XIRP2: variants seen among roughly 807,000 people sequenced by gnomAD.
The protein encoded by XIRP2 is xin actin binding repeat containing 2.
XIRP2 carries 236 observed loss-of-function variants against 277.0 expected under a neutral mutation model. The ratio of observed to expected loss-of-function variants is 0.85; its 90% confidence interval spans 0.77 to 0.95. The LOEUF is 0.95. XIRP2 is among the 40% of genes least tolerant of loss of function. XIRP2 has a pLI of 0.00. For missense variants in XIRP2, 4,640 were observed against 4,157.5 expected (o/e 1.12, Z -3.19); for synonymous variants, 1,490 against 1,416.5 (o/e 1.05, Z -1.17).
At chr2:167,055,444 G>A (rs1008228847) in intron 2 of XIRP2, among the ~76,000 whole-genome samples, 1 of 152,130 alleles carries the variant, frequency 6.6e-6, no homozygotes, top group African/African-American at 2.4e-5. Context: ...TTTTCATCAA[G>A]GATATTATAT....
intron 2 of XIRP2, among the ~76,000 whole-genome samples, chr2:166,915,850 T>C (rs1684859576): frequency 6.6e-6 from 1 of 152,180 alleles, no homozygotes; most frequent in Non-Finnish European, 1.5e-5. Context: ...ACTGTTTCTA[T>C]CATTTATTTA....
At chr2:167,008,954 T>A (rs1367221139) in intron 2 of XIRP2, among the ~76,000 whole-genome samples, 1 of 151,528 alleles carries the variant, frequency 6.6e-6, no homozygotes, top group Non-Finnish European at 1.5e-5. Flanking sequence ...TTTTCAAATA[T>A]CTAATAATCG....
At chr2:167,182,956 C>G (rs1411410121) in intron 3 of XIRP2, among the ~76,000 whole-genome samples, 1 of 152,072 alleles carries the variant, frequency 6.6e-6, no homozygotes, top group African/African-American at 2.4e-5. Context: ...AATGGTAGCA[C>G]CAGCCAAAAT....
chr2:166,967,824 T>TCC (rs966984263), intron 2 of XIRP2, among the ~76,000 whole-genome samples: 5 of 151,906 alleles, frequency 3.3e-5, no homozygotes, highest in African/African-American at 1.2e-4. Context: ...TTATTCTAGT[T>TCC]CCCCACCTTT....
At chr2:167,214,682 T>C (rs1694190952) in intron 4 of XIRP2, among the ~76,000 whole-genome samples, 1 of 151,968 alleles carries the variant, frequency 6.6e-6, no homozygotes, top group African/African-American at 2.4e-5. Context: ...ATCTCCTGCC[T>C]CAGCCTCCCA....
chr2:167,253,541 T>A (rs1695574816), intron 9 of XIRP2, among the ~76,000 whole-genome samples: 1 of 151,850 alleles, frequency 6.6e-6, no homozygotes, highest in East Asian at 1.9e-4. Context: ...AAAAAACATA[T>A]GTATTTTAGA....
chr2:167,004,947 G>A (rs78395941), intron 2 of XIRP2, among the ~76,000 whole-genome samples: 5,382 of 151,904 alleles, frequency 0.035, 120 homozygotes, highest in East Asian at 0.079. Context: ...CAATGTAACA[G>A]TATGTTTCAG....
intron 10 of XIRP2, 58 bp downstream of exon 10, chr2:167,254,223 C>G: frequency 6.5e-7 from 1 of 1,540,690 alleles, no homozygotes; most frequent in Non-Finnish European, 8.8e-7. Flanking sequence ...CTATGTATAG[C>G]CTCATATCTC....
intron 5 of XIRP2, among the ~76,000 whole-genome samples, chr2:167,220,465 G>T (rs1263980437): frequency 1.3e-5 from 2 of 152,156 alleles, no homozygotes; most frequent in African/African-American, 4.8e-5. Flanking sequence ...TTAACACATT[G>T]CCTGGTCCAT....
chr2:167,030,936 A>G (rs978284140), intron 2 of XIRP2, among the ~76,000 whole-genome samples: 1 of 150,810 alleles, frequency 6.6e-6, no homozygotes, highest in African/African-American at 2.4e-5. Context: ...TCCCTTTACC[A>G]TTACATAACG....
chr2:167,184,627 C>T (rs1324259206), intron 3 of XIRP2: 1 of 717,068 alleles, frequency 1.4e-6, no homozygotes, highest in African/African-American at 1.7e-5. Context: ...GCCTCAAATC[C>T]TCAACTTATA....
intron 2 of XIRP2, among the ~76,000 whole-genome samples, chr2:167,094,598 G>T (rs962132060): frequency 6.6e-6 from 1 of 152,080 alleles, no homozygotes; most frequent in Non-Finnish European, 1.5e-5. Flanking sequence ...GCTTGTTTTT[G>T]TCAGGTTTGT....
At position 167,251,556 on chromosome 2, in the gene XIRP2, C is replaced by T; in HGVS notation, c.10164C>T (p.Asp3388=). ...LTSLGNTSFT[D]FSCKHPRELR... ...CTTTAGGAAACACGAGTTTTACAGA[C>T]TTTTCTTGCAAACATCCTAGAGAAC... Residue 3388 remains aspartate, a synonymous_variant, in exon 9 of 11, where the codon GAC becomes GAT. Coordinates refer to ENST00000409195, the MANE Select transcript of XIRP2 (RefSeq NM_152381.6). The T allele has an allele frequency of 6.2e-7, 1 of 1,613,506 alleles. No individual in the cohort carries two copies. The highest frequency in any genetic ancestry group is 8.5e-7 in the Non-Finnish European group (1 of 1,179,604).
At chr2:167,088,792 C>G (rs990536150) in intron 2 of XIRP2, among the ~76,000 whole-genome samples, 2 of 152,174 alleles carry the variant, frequency 1.3e-5, no homozygotes, top group Non-Finnish European at 2.9e-5. Flanking sequence ...TCCCAGATAA[C>G]TCTTATTCAT....
At chr2:167,109,468 A>G (rs1690695564) in intron 2 of XIRP2, among the ~76,000 whole-genome samples, 1 of 152,094 alleles carries the variant, frequency 6.6e-6, no homozygotes, top group Non-Finnish European at 1.5e-5. Flanking sequence ...TTTAGTAGAG[A>G]CAGAGTTTCT....
At chr2:167,238,647 A>G (rs940983075) in intron 5 of XIRP2, among the ~76,000 whole-genome samples, 2 of 152,164 alleles carry the variant, frequency 1.3e-5, no homozygotes, top group Admixed American at 1.3e-4. Context: ...TACTATTTTA[A>G]TTAATAATGA....
intron 2 of XIRP2, among the ~76,000 whole-genome samples, chr2:167,114,906 CGT>C (rs971293249): frequency 6.6e-6 from 1 of 151,964 alleles, no homozygotes; most frequent in African/African-American, 2.4e-5. Flanking sequence ...AATAAACATA[CGT>C]GTGTGTGTGT....
chr2:167,036,982 T>A (rs905704593), intron 2 of XIRP2, among the ~76,000 whole-genome samples: 19 of 152,326 alleles, frequency 1.2e-4, no homozygotes, highest in African/African-American at 4.6e-4. Flanking sequence ...GCCATGATTC[T>A]GAGGCCTCCC....
chr2:166,963,391 G>T (rs1686347813), intron 2 of XIRP2, among the ~76,000 whole-genome samples: 1 of 151,734 alleles, frequency 6.6e-6, no homozygotes, highest in Non-Finnish European at 1.5e-5. Context: ...CATTCTCAGA[G>T]TTACACGTTC....
Sources: gnomAD v4.1 joint callset for allele counts (sites outside exome capture counted in the v4.1 genomes callset) on GRCh38, gnomAD v4.1.1 for gene constraint, MANE v1.5 for transcripts, NCBI Gene and HGNC (gene_info 2026-07-23, HGNC 2026-07-21) for gene names.